HUNK: variants seen among roughly 807,000 people sequenced by gnomAD.
HUNK encodes the protein hormonally up-regulated neu tumor-associated kinase.
A neutral mutation model predicts 61.0 loss-of-function variants in HUNK; 21 were observed. The ratio of observed to expected loss-of-function variants is 0.34; its 90% CI spans 0.24 to 0.50. HUNK has a LOEUF of 0.50. Among genes scored for constraint, HUNK ranks in the 20% least tolerant of loss-of-function variants. The pLI is 0.98. For synonymous variants in HUNK, 371 were observed against 386.1 expected (o/e 0.96, Z 0.46); for missense variants, 772 against 945.7 (o/e 0.82, Z 2.41).
chr21:32,001,343 C>T lies in HUNK; in HGVS notation c.*2159C>T, dbSNP rs1223954579. ...AATCATCTAAGACCATCTCTCCATT[C>T]GACATGAAGTGTACCTTTTCTAAAG... is the stretch of plus-strand genomic sequence containing the variant. On this transcript the variant is annotated 3_prime_UTR_variant, in exon 11 of 11. Transcript: ENST00000270112. 3.3e-5 allele frequency: 5 copies of T among 152,042 alleles called. No individual in the cohort carries two copies. The highest frequency in any genetic ancestry group is 6.6e-5 in the Admixed American group (1 of 15,256). 9.4% of individuals were successfully genotyped at this position (152,042 alleles called of 1,614,324 possible).
intron 7 of HUNK, among the ~76,000 whole-genome samples, chr21:31,977,066 C>T (rs1325239322): frequency 2.6e-5 from 4 of 152,144 alleles, no homozygotes; most frequent in South Asian, 2.1e-4. Flanking sequence ...CCACCATGCC[C>T]GACCCCATTT....
intron 1 of HUNK, among the ~76,000 whole-genome samples, chr21:31,885,561 AG>A (rs2052340152): frequency 6.6e-6 from 1 of 152,202 alleles, no homozygotes; most frequent in Admixed American, 6.5e-5. Flanking sequence ...CTCATTCTGG[AG>A]GCTGGAAGTC....
chr21:31,946,623 G>GC (rs554036792), intron 4 of HUNK, among the ~76,000 whole-genome samples: 2 of 150,692 alleles, frequency 1.3e-5, no homozygotes, highest in Non-Finnish European at 3.0e-5. Context: ...CTCTGGGCTT[G>GC]TTTTTTTTTG....
intron 7 of HUNK, among the ~76,000 whole-genome samples, chr21:31,980,722 G>C (rs1175384838): frequency 6.7e-6 from 1 of 149,466 alleles, no homozygotes; most frequent in Non-Finnish European, 1.5e-5. Flanking sequence ...TTTTCTTTTT[G>C]AGATGGAGTT....
rs1194770181 is a variant in HUNK, at chr21:31,873,208, A to G, written c.-467A>G. On this transcript the variant is annotated 5_prime_UTR_variant, in exon 1 of 11. Transcript: ENST00000270112. This position sits in a 1 kb window ranked among gnomAD's most constrained non-coding sequence, Gnocchi z 6.1. ...GCCGCCCAGCGCACGGCTAGGAGCG[A>G]TCGCGGGAGCCCGACCCAAGCCCGT... 6.6e-6 allele frequency: 1 copy of G among 151,998 alleles called. No individual in the cohort carries two copies. The highest frequency in any genetic ancestry group is 1.5e-5 in the Non-Finnish European group (1 of 68,018). 9.4% of individuals were successfully genotyped at this position (151,998 alleles called of 1,614,324 possible).
At chr21:31,966,051 C>T (rs902956151) in intron 5 of HUNK, among the ~76,000 whole-genome samples, 7 of 152,098 alleles carry the variant, frequency 4.6e-5, no homozygotes, top group Non-Finnish European at 1.0e-4. Context: ...TCTATTATCC[C>T]CTGCCCCTCT....
At chr21:31,906,956 C>T (rs953383354) in intron 1 of HUNK, among the ~76,000 whole-genome samples, 6 of 152,084 alleles carry the variant, frequency 3.9e-5, no homozygotes, top group Non-Finnish European at 8.8e-5. Context: ...GGGTGGATCA[C>T]CTGAGGTCAG....
intron 3 of HUNK, among the ~76,000 whole-genome samples, chr21:31,940,745 A>G (rs774452304): frequency 1.3e-5 from 2 of 152,236 alleles, no homozygotes; most frequent in Non-Finnish European, 2.9e-5. Flanking sequence ...TTCATGGTCC[A>G]TAGCAAATTC....
chr21:31,941,445 T>C (rs1014145847), intron 3 of HUNK, among the ~76,000 whole-genome samples: 1 of 152,054 alleles, frequency 6.6e-6, no homozygotes, highest in Non-Finnish European at 1.5e-5. Context: ...TAGCTGGGAT[T>C]ACAGGCACCC....
chr21:31,985,763 T>G (rs565363929), intron 8 of HUNK, among the ~76,000 whole-genome samples: 2 of 151,426 alleles, frequency 1.3e-5, no homozygotes, highest in African/African-American at 2.4e-5. Flanking sequence ...CTTCGTGAAG[T>G]GCCAAAGGCA....
In HUNK at chr21:31,897,845, G is replaced by C. The variant is rs559617001; in HGVS notation, c.261+23910G>C. On this transcript the variant is annotated intron_variant, in intron 1 of 10. Transcript: ENST00000270112. ...TCTTGGGCTTTGGGTGGAGGGTGCTGCCTGGACCTTCTAGGTAGCTTCATT... is the reference window on the plus strand; with the variant it reads ...TCTTGGGCTTTGGGTGGAGGGTGCTCCCTGGACCTTCTAGGTAGCTTCATT... Among the ~76,000 whole-genome samples, 1,440 of 152,244 alleles carry C rather than the reference G, an allele frequency of 9.5e-3. 11 individuals carry two copies. The highest frequency in any genetic ancestry group is 0.015 in the Non-Finnish European group (1,021 of 68,002).
chr21:31,990,734 C>T (rs1248535788), intron 9 of HUNK, among the ~76,000 whole-genome samples: 1 of 151,970 alleles, frequency 6.6e-6, no homozygotes, highest in Non-Finnish European at 1.5e-5. Context: ...TAGAGTTTCA[C>T]CATGTTGACC....
intron 1 of HUNK, among the ~76,000 whole-genome samples, chr21:31,893,678 A>G (rs2052406626): frequency 6.6e-6 from 1 of 152,192 alleles, no homozygotes; most frequent in Non-Finnish European, 1.5e-5. Flanking sequence ...TCACAGTGGA[A>G]TAAAGAATGC....
intron 1 of HUNK, among the ~76,000 whole-genome samples, chr21:31,882,656 C>T (rs1041183512): frequency 2.0e-5 from 3 of 152,202 alleles, no homozygotes; most frequent in South Asian, 2.1e-4. Context: ...TTCATTTCCA[C>T]GGGTTGGTAT....
intron 1 of HUNK, among the ~76,000 whole-genome samples, chr21:31,921,563 T>C (rs2052622850): frequency 6.6e-6 from 1 of 152,004 alleles, no homozygotes. Context: ...GTGGTGGGGC[T>C]GATGGAGAAG....
Position 31,939,060 on chromosome 21 carries a change from G to A in HUNK, c.555-1105G>A, listed in dbSNP as rs146605277. Among the ~76,000 whole-genome samples the A allele has an allele frequency of 5.8e-4, 88 of 152,182 alleles. 2 individuals are homozygous for A. In the East Asian group the frequency reaches 0.014, roughly 24 times the overall value. Reference sequence around the variant, plus strand: ...CTTCTAGGAGCTTACAGTCGCAGGCGCAGACACCAGAGACACCTCACACTC... The same window carrying A: ...CTTCTAGGAGCTTACAGTCGCAGGCACAGACACCAGAGACACCTCACACTC... On this transcript the variant is annotated intron_variant, in intron 2 of 10. Coordinates refer to ENST00000270112, the MANE Select transcript of HUNK (RefSeq NM_014586.2).
chr21:31,906,928 A>G (rs900991001), intron 1 of HUNK, among the ~76,000 whole-genome samples: 34 of 152,054 alleles, frequency 2.2e-4, no homozygotes, highest in African/African-American at 8.2e-4. Flanking sequence ...TAATCCCAGC[A>G]CTTTGGGAGG....
At chr21:31,931,189 A>G (rs2052694320) in intron 2 of HUNK, among the ~76,000 whole-genome samples, 1 of 151,540 alleles carries the variant, frequency 6.6e-6, no homozygotes, top group Non-Finnish European at 1.5e-5. Context: ...CCATCTTGTG[A>G]CCATCCCTGT....
Position 31,953,192 on chromosome 21 carries a change from T to C in HUNK, c.747-5651T>C, listed in dbSNP as rs868075434. On this transcript the variant is annotated intron_variant, in intron 4 of 10. Transcript: ENST00000270112. ...TTAAGATGCTTAATCTGGTTTCCCT[T>C]TTTAAAATCTCCTAGCTAGGAGTGT... Among the ~76,000 whole-genome samples the C allele has an allele frequency of 4.1e-4, 62 of 152,242 alleles. 1 individual carries two copies. In the Middle Eastern group the frequency reaches 0.014, roughly 34 times the overall value.
Sources: gnomAD v4.1 joint callset for allele counts (sites outside exome capture counted in the v4.1 genomes callset) on GRCh38, gnomAD v4.1.1 for gene constraint, Gnocchi (gnomAD v3.1) non-coding constraint, MANE v1.5 for transcripts, NCBI Gene and HGNC (gene_info 2026-07-23, HGNC 2026-07-21) for gene names.